The following CACNA2D3 variants were observed in gnomAD, a reference collection of about 807,000 sequenced individuals.
CACNA2D3 encodes the protein calcium voltage-gated channel auxiliary subunit alpha2delta 3.
A neutral mutation model predicts 160.6 loss-of-function variants in CACNA2D3; 60 were observed. The observed-to-expected ratio is 0.37, with a 90% CI of 0.30 to 0.46. CACNA2D3 has a LOEUF of 0.46. CACNA2D3 is among the 20% of genes least tolerant of loss of function. CACNA2D3 has a pLI of 1.00. For missense variants in CACNA2D3, 1,205 were observed against 1,365.0 expected (o/e 0.88, Z 1.85); for synonymous variants, 558 against 492.9 (o/e 1.13, Z -1.75).
rs1421806647 is a variant in CACNA2D3, at chr3:55,073,801, G to A, written c.3125G>A (p.Arg1042His). ...IRYNESLKCE[R>H]LKAQKIRRRP... ...CATAATGAATCCCTTAAGTGTGAAC[G>A]TCTAAAGGCCCAGAAGATCAGAAGG... The change falls in exon 37 of 38, where the codon CGT becomes CAT. Residue 1042 changes from arginine (R) to histidine (H), a missense_variant. Physicochemically the swap from Arg to His is conservative, Grantham distance 29. Coordinates refer to ENST00000474759, the MANE Select transcript of CACNA2D3 (RefSeq NM_018398.3). The A allele has an allele frequency of 1.2e-5, 19 of 1,613,510 alleles. No homozygotes were observed. Among genetic ancestry groups the A allele is most frequent in the East Asian group, 2.2e-5 (1 of 44,866 alleles).
chr3:54,610,527 T>C (rs1426712444), intron 9 of CACNA2D3, among the ~76,000 whole-genome samples: 1 of 152,210 alleles, frequency 6.6e-6, no homozygotes, highest in East Asian at 1.9e-4. Context: ...TGCAGGTTTG[T>C]TTGAAAACTG....
chr3:54,491,330 T>C (rs933974630), intron 4 of CACNA2D3, among the ~76,000 whole-genome samples: 1 of 152,216 alleles, frequency 6.6e-6, no homozygotes. Context: ...CGCCACAATG[T>C]GTGGAGCCTA....
chr3:54,146,317 T>A (rs1233814286), intron 2 of CACNA2D3, among the ~76,000 whole-genome samples: 1 of 152,246 alleles, frequency 6.6e-6, no homozygotes, highest in Non-Finnish European at 1.5e-5. Context: ...GAGGTGACCT[T>A]GGCCTCTAGT....
At chr3:54,849,850 G>A (rs879427520) in intron 17 of CACNA2D3, among the ~76,000 whole-genome samples, 7 of 152,170 alleles carry the variant, frequency 4.6e-5, no homozygotes, top group Non-Finnish European at 8.8e-5. Context: ...GGCCCCTACA[G>A]CCAGAGGAAA....
chr3:54,289,807 A>G (rs1332707487), intron 2 of CACNA2D3, among the ~76,000 whole-genome samples: 1 of 152,130 alleles, frequency 6.6e-6, no homozygotes, highest in Non-Finnish European at 1.5e-5. Flanking sequence ...AGTAATGGGG[A>G]AAGGATTCCC....
intron 4 of CACNA2D3, among the ~76,000 whole-genome samples, chr3:54,417,803 G>T (rs1230487067): frequency 6.9e-6 from 1 of 145,666 alleles, no homozygotes. Context: ...TGTGGGGGGG[G>T]GGGTGGGGGG....
At chr3:54,918,632 C>G in intron 27 of CACNA2D3, 1 of 1,614,190 alleles carries the variant, frequency 6.2e-7, no homozygotes, top group Non-Finnish European at 8.5e-7. Context: ...GTGATGATGA[C>G]AGTGGCAATG....
Position 55,073,232 on chromosome 3 carries a change from A to G in CACNA2D3, c.2988-213A>G, listed in dbSNP as rs112510907. Among the ~76,000 whole-genome samples, 217 of 152,254 alleles carry G rather than the reference A, an allele frequency of 1.4e-3. 3 individuals are homozygous for G. Among genetic ancestry groups the G allele is most frequent in the African/African-American group, 4.9e-3 (203 of 41,564 alleles). ...TTCCAAGGTGAGTTGTATGAGCCGC[A>G]TGTCGTCATAGCTATTGTTGTTTTC... On this transcript the variant is annotated intron_variant, in intron 35 of 37. Transcript: ENST00000474759.
chr3:54,230,875 T>C (rs189445737), intron 2 of CACNA2D3, among the ~76,000 whole-genome samples: 1 of 152,310 alleles, frequency 6.6e-6, no homozygotes, highest in East Asian at 1.9e-4. Flanking sequence ...TAGGACAAAA[T>C]ACATAAAGAT....
intron 4 of CACNA2D3, among the ~76,000 whole-genome samples, chr3:54,465,331 C>T (rs1288690758): frequency 1.3e-5 from 2 of 152,064 alleles, no homozygotes; most frequent in East Asian, 3.9e-4. Context: ...ATTTGAGGGA[C>T]AGAGAGCTAG....
At chr3:54,809,055 G>A (rs981357989) in intron 13 of CACNA2D3, among the ~76,000 whole-genome samples, 5 of 151,988 alleles carry the variant, frequency 3.3e-5, no homozygotes, top group East Asian at 3.9e-4. Flanking sequence ...ACTGTTTTAC[G>A]GATGAGACCT....
At chr3:54,847,422 C>T (rs1559603311) in intron 17 of CACNA2D3, among the ~76,000 whole-genome samples, 1 of 152,186 alleles carries the variant, frequency 6.6e-6, no homozygotes, top group Admixed American at 6.5e-5. Context: ...CATCTTTTCC[C>T]ATTCATCAGA....
At chr3:54,716,394 T>A (rs634393) in intron 11 of CACNA2D3, among the ~76,000 whole-genome samples, 138,480 of 152,208 alleles carry the variant, frequency 0.91, 63,257 homozygotes, top group African/African-American at 0.93. Context: ...AGTGGGCAAG[T>A]GGGGAAAGAT....
chr3:54,848,461 A>G (rs917002530), intron 17 of CACNA2D3, among the ~76,000 whole-genome samples: 7 of 152,220 alleles, frequency 4.6e-5, no homozygotes, highest in African/African-American at 1.7e-4. Flanking sequence ...TGAGAACCCA[A>G]ACCATATGAA....
At chr3:54,350,969 T>TG (rs1698544436) in intron 3 of CACNA2D3, among the ~76,000 whole-genome samples, 1 of 43,714 alleles carries the variant, frequency 2.3e-5, no homozygotes, top group African/African-American at 9.1e-5. Flanking sequence ...CTTGAGTCTG[T>TG]TTTTTTTTTT....
At chr3:54,451,932 G>T (rs564402663) in intron 4 of CACNA2D3, among the ~76,000 whole-genome samples, 1 of 152,068 alleles carries the variant, frequency 6.6e-6, no homozygotes, top group Non-Finnish European at 1.5e-5. Flanking sequence ...ACAAGCTCTA[G>T]GATTACCTCC....
intron 11 of CACNA2D3, among the ~76,000 whole-genome samples, chr3:54,644,141 G>T (rs1009119123): frequency 6.6e-6 from 1 of 152,086 alleles, no homozygotes; most frequent in Non-Finnish European, 1.5e-5. Flanking sequence ...GATGAGGGCT[G>T]CAAAGTCCTA....
chr3:54,685,156 A>T (rs1700427135), intron 11 of CACNA2D3, among the ~76,000 whole-genome samples: 1 of 152,176 alleles, frequency 6.6e-6, no homozygotes, highest in Admixed American at 6.5e-5. Context: ...AGAGGGATGG[A>T]CTTCCTGAGG....
chr3:54,140,389 G>A (rs79262209), intron 2 of CACNA2D3, among the ~76,000 whole-genome samples: 5 of 152,182 alleles, frequency 3.3e-5, no homozygotes, highest in South Asian at 2.1e-4. Flanking sequence ...AATACCAGGC[G>A]TTCTGAAGAC....
Sources: allele counts gnomAD v4.1 joint callset (sites outside exome capture counted in the v4.1 genomes callset), GRCh38; gene constraint gnomAD v4.1.1; transcripts MANE v1.5; gene names NCBI Gene and HGNC (gene_info 2026-07-23, HGNC 2026-07-21).